BICC1: variants seen among roughly 807,000 people sequenced by gnomAD.
The protein encoded by BICC1 is protein bicaudal C homolog 1.
A neutral mutation model predicts 111.0 loss-of-function variants in BICC1; 43 were observed. The observed-to-expected ratio is 0.39, with a 90% confidence interval of 0.30 to 0.50. The LOEUF (loss-of-function observed/expected upper bound fraction) is 0.50, where lower values mean the gene tolerates loss of function less well. Among genes scored for constraint, BICC1 ranks in the 20% least tolerant of loss-of-function variants. The pLI is 0.88. For synonymous variants in BICC1, 467 were observed against 434.4 expected (o/e 1.07, Z -0.93); for missense variants, 1,091 against 1,203.2 (o/e 0.91, Z 1.38).
At chr10:58,779,524 T>C (rs1464330507) in intron 3 of BICC1, among the ~76,000 whole-genome samples, 1 of 152,212 alleles carries the variant, frequency 6.6e-6, no homozygotes, top group African/African-American at 2.4e-5. Flanking sequence ...AATTGTAAAA[T>C]AAAGTTGCTT....
intron 2 of BICC1, among the ~76,000 whole-genome samples, chr10:58,692,964 G>A (rs4347331): frequency 0.72 from 108,305 of 151,376 alleles, 41,093 homozygotes; most frequent in East Asian, 0.9. Context: ...GCACCCATTA[G>A]CTCGTCATTT....
At chr10:58,515,647 G>A (rs2132492665) in intron 1 of BICC1, among the ~76,000 whole-genome samples, 1 of 152,268 alleles carries the variant, frequency 6.6e-6, no homozygotes, top group Middle Eastern at 3.4e-3. Flanking sequence ...ACACAAGTGT[G>A]AGCACTGGGA....
intron 1 of BICC1, among the ~76,000 whole-genome samples, chr10:58,620,276 A>G (rs893656558): frequency 1.3e-5 from 2 of 152,268 alleles, no homozygotes; most frequent in Non-Finnish European, 2.9e-5. Context: ...GTGATATTTT[A>G]ATTAATGTTA....
At chr10:58,592,613 G>T (rs1173401662) in intron 1 of BICC1, among the ~76,000 whole-genome samples, 12 of 152,028 alleles carry the variant, frequency 7.9e-5, no homozygotes, top group African/African-American at 2.9e-4. Flanking sequence ...TACTTGGGAG[G>T]CTGAGGCAGG....
chr10:58,810,837 A>G (rs1843879356), intron 17 of BICC1, among the ~76,000 whole-genome samples: 1 of 152,210 alleles, frequency 6.6e-6, no homozygotes, highest in Admixed American at 6.5e-5. Flanking sequence ...AGAAAAATAA[A>G]GCCAAATGAA....
At chr10:58,540,507 T>C (rs1564478264) in intron 1 of BICC1, among the ~76,000 whole-genome samples, 1 of 151,992 alleles carries the variant, frequency 6.6e-6, no homozygotes, top group African/African-American at 2.4e-5. Flanking sequence ...CAACAAATTA[T>C]ATAACCTTGA....
chr10:58,804,042 G>C (rs1843636611), intron 15 of BICC1, among the ~76,000 whole-genome samples: 1 of 152,224 alleles, frequency 6.6e-6, no homozygotes, highest in East Asian at 1.9e-4. Context: ...AGCTGTCATA[G>C]ATGTGTCAAA....
chr10:58,747,125 T>G (rs1258165622), intron 3 of BICC1, among the ~76,000 whole-genome samples: 3 of 152,166 alleles, frequency 2.0e-5, no homozygotes, highest in Admixed American at 6.6e-5. Context: ...GAAGTATTCT[T>G]TTATAAAAAG....
chr10:58,700,037 G>A (rs1447565992), intron 2 of BICC1, among the ~76,000 whole-genome samples: 2 of 152,178 alleles, frequency 1.3e-5, no homozygotes, highest in African/African-American at 2.4e-5. Context: ...TAACTTAGGG[G>A]AAAATTCTGA....
At chr10:58,766,219 A>C (rs997920891) in intron 3 of BICC1, among the ~76,000 whole-genome samples, 2 of 152,106 alleles carry the variant, frequency 1.3e-5, no homozygotes, top group Non-Finnish European at 2.9e-5. Flanking sequence ...CCAAAAAAAA[A>C]CCCAATCTGT....
intron 2 of BICC1, among the ~76,000 whole-genome samples, chr10:58,642,018 A>G (rs143310903): frequency 8.9e-4 from 135 of 152,360 alleles, no homozygotes; most frequent in African/African-American, 3.2e-3. Flanking sequence ...GGAAGACACA[A>G]TTTGAAATTG....
At chr10:58,787,198 A>G in intron 5 of BICC1, 117 bp downstream of exon 5, 1 of 941,584 alleles carries the variant, frequency 1.1e-6, no homozygotes, top group East Asian at 2.8e-5. Context: ...CATAGATGAC[A>G]TACAGTGTAG....
At chr10:58,588,728 C>T (rs1367051214) in intron 1 of BICC1, among the ~76,000 whole-genome samples, 1 of 152,146 alleles carries the variant, frequency 6.6e-6, no homozygotes, top group African/African-American at 2.4e-5. Flanking sequence ...AAAACGCATC[C>T]CTATGTTGCT....
chr10:58,799,710 T>A (rs1019110284), intron 12 of BICC1, among the ~76,000 whole-genome samples: 1 of 151,934 alleles, frequency 6.6e-6, no homozygotes, highest in African/African-American at 2.4e-5. Context: ...TCTATATTTC[T>A]ATTTTTTTTT....
At chr10:58,706,673 A>G (rs1303355275) in intron 3 of BICC1, among the ~76,000 whole-genome samples, 1 of 152,164 alleles carries the variant, frequency 6.6e-6, no homozygotes, top group Non-Finnish European at 1.5e-5. Context: ...GAGTTCTCAC[A>G]AGATCTGATG....
At chr10:58,820,238 G>C (rs1731494208) in intron 19 of BICC1, 131 bp from the exon 20 acceptor site, 1 of 572,328 alleles carries the variant, frequency 1.7e-6, no homozygotes, top group Admixed American at 2.9e-5. Flanking sequence ...TTAGGTTTGT[G>C]CTACCACCTT....
At chr10:58,715,771 TGG>T in intron 3 of BICC1, 1 of 1,461,784 alleles carries the variant, frequency 6.8e-7, no homozygotes. Context: ...AAGAAAGAAC[TGG>T]AAAAACACAG....
chr10:58,648,387 T>C (rs1212600076), intron 2 of BICC1: 1 of 372,248 alleles, frequency 2.7e-6, no homozygotes, highest in African/African-American at 2.2e-5. Flanking sequence ...ATGTTAAATG[T>C]CATTTCTCTC....
intron 1 of BICC1, among the ~76,000 whole-genome samples, chr10:58,586,175 T>G (rs2132025795): frequency 6.6e-6 from 1 of 152,322 alleles, no homozygotes; most frequent in East Asian, 1.9e-4. Flanking sequence ...CTTCCTTCTT[T>G]GATTCTTTTG....
Sources: allele counts gnomAD v4.1 joint callset (sites outside exome capture counted in the v4.1 genomes callset), GRCh38; gene constraint gnomAD v4.1.1; transcripts MANE v1.5; gene names NCBI Gene and HGNC (gene_info 2026-07-23, HGNC 2026-07-21).